Variants in ALCAM observed in about 807,000 individuals in gnomAD.
ALCAM encodes the protein activated leukocyte cell adhesion molecule.
Under a neutral mutation model 70.9 loss-of-function variants are expected in ALCAM, and 30 were observed. That is an observed-to-expected ratio of 0.42 (90% CI 0.32 to 0.57). The LOEUF (loss-of-function observed/expected upper bound fraction) is 0.57, where lower values mean the gene tolerates loss of function less well. Among genes scored for constraint, ALCAM ranks in the 20% least tolerant of loss-of-function variants. The probability of loss-of-function intolerance (pLI) is 0.11; values close to 1 mark genes in which losing one functional copy is unlikely to be tolerated. For missense variants in ALCAM, 591 were observed against 695.1 expected (o/e 0.85, Z 1.68); for synonymous variants, 249 against 242.5 (o/e 1.03, Z -0.25).
At chr3:105,399,040 C>T (rs1247344813) in intron 1 of ALCAM, among the ~76,000 whole-genome samples, 1 of 152,048 alleles carries the variant, frequency 6.6e-6, no homozygotes, top group Non-Finnish European at 1.5e-5. Flanking sequence ...AATGCAGCCC[C>T]TAATGTGAAT....
At chr3:105,564,445 C>T (rs1940701285) in intron 14 of ALCAM, among the ~76,000 whole-genome samples, 1 of 152,106 alleles carries the variant, frequency 6.6e-6, no homozygotes, top group African/African-American at 2.4e-5. Context: ...TTACTCCTTC[C>T]AGCACTCTTC....
intron 11 of ALCAM, among the ~76,000 whole-genome samples, chr3:105,549,375 C>T (rs985517933): frequency 6.6e-6 from 1 of 151,336 alleles, no homozygotes; most frequent in Non-Finnish European, 1.5e-5. Context: ...AGGCACTTAC[C>T]ATGTAGTTGA....
At chr3:105,438,954 A>G (rs1031015031) in intron 1 of ALCAM, among the ~76,000 whole-genome samples, 5 of 152,176 alleles carry the variant, frequency 3.3e-5, no homozygotes, top group Non-Finnish European at 7.3e-5. Flanking sequence ...AGGAAGAAGC[A>G]GAAATAATGT....
rs74932522 is a variant in ALCAM, at chr3:105,415,468, C to T, written c.73+47987C>T. 5.9e-4 allele frequency among the ~76,000 whole-genome samples: 90 copies of T among 152,184 alleles called. 4 individuals are homozygous for T. The East Asian group carries it at 0.017, about 30-fold the overall frequency. The stretch of plus-strand genomic sequence containing the variant: ...TTGCATAGGAAATAAACATTTCTGT[C>T]CACTGACAACAGCTTTCTTTTAAAG... On this transcript the variant is annotated intron_variant, in intron 1 of 15. Transcript: ENST00000306107.
chr3:105,540,452 C>T (rs1185124230), intron 7 of ALCAM, among the ~76,000 whole-genome samples: 1 of 151,954 alleles, frequency 6.6e-6, no homozygotes, highest in African/African-American at 2.4e-5. Flanking sequence ...TCTAAATCTG[C>T]CCACAACATT....
chr3:105,569,173 G>T (rs1441723919), intron 14 of ALCAM, among the ~76,000 whole-genome samples: 1 of 151,772 alleles, frequency 6.6e-6, no homozygotes, highest in African/African-American at 2.4e-5. Context: ...TACTTTAGAT[G>T]AAAGGAGTGG....
chr3:105,463,862 G>A (rs1937643284), intron 1 of ALCAM, among the ~76,000 whole-genome samples: 1 of 151,370 alleles, frequency 6.6e-6, no homozygotes, highest in Non-Finnish European at 1.5e-5. Flanking sequence ...TAGAAGGAAT[G>A]CAATTTCCTA....
At chr3:105,572,057 A>G (rs1940870123) in intron 15 of ALCAM, 93 bp downstream of exon 15, 2 of 690,948 alleles carry the variant, frequency 2.9e-6, no homozygotes, top group South Asian at 5.3e-5. Flanking sequence ...ATGCTCCATA[A>G]TTACAGCTTT....
chr3:105,372,679 C>T (rs973947524), intron 1 of ALCAM, among the ~76,000 whole-genome samples: 67 of 152,086 alleles, frequency 4.4e-4, no homozygotes, highest in Non-Finnish European at 4.4e-5. Flanking sequence ...CATAGTACTT[C>T]AACACAATGA....
At chr3:105,538,577 A>G (rs1377443411) in intron 6 of ALCAM, among the ~76,000 whole-genome samples, 3 of 152,144 alleles carry the variant, frequency 2.0e-5, no homozygotes, top group Non-Finnish European at 1.5e-5. Context: ...GAAGGAAGTC[A>G]GAGATTGCCA....
intron 1 of ALCAM, among the ~76,000 whole-genome samples, chr3:105,497,179 TA>T (rs1938769349): frequency 6.6e-6 from 1 of 152,164 alleles, no homozygotes; most frequent in African/African-American, 2.4e-5. Flanking sequence ...TGAATCATTT[TA>T]CTAGGAAAAT....
In ALCAM at chr3:105,547,478, A is replaced by G; in HGVS notation, c.1329A>G (p.Pro443=). The change falls in exon 11 of 16, where the codon CCA becomes CCG. Residue 443 remains proline (P), a synonymous_variant. Coordinates refer to ENST00000306107, the MANE Select transcript of ALCAM (RefSeq NM_001627.4). The part of the protein sequence containing the change: ...IICHVEGFPK[P]AIQWTITGSG... Reference sequence around the variant, plus strand: ...GCCATGTGGAAGGTTTTCCAAAGCCAGCCATTCAATGGACAATTACTGGCA... The same window carrying G: ...GCCATGTGGAAGGTTTTCCAAAGCCGGCCATTCAATGGACAATTACTGGCA... The G allele has an allele frequency of 1.2e-6, 2 of 1,610,722 alleles. No homozygotes were observed. The highest frequency in any genetic ancestry group is 1.7e-6 in the Non-Finnish European group (2 of 1,177,724).
At chr3:105,504,575 G>GGCCT (rs200819923) in intron 1 of ALCAM, among the ~76,000 whole-genome samples, 33,303 of 151,788 alleles carry the variant, frequency 0.22, 3,815 homozygotes, top group East Asian at 0.36. Flanking sequence ...GCAAGCCCAC[G>GGCCT]GCCTGCCGGC....
At position 105,460,110 on chromosome 3, in the gene ALCAM, A is replaced by T. The variant is rs898080400; in HGVS notation, c.74-59957A>T. Among the ~76,000 whole-genome samples, 3 of 152,036 alleles carry T rather than the reference A, an allele frequency of 2.0e-5. No individual in the cohort carries two copies. In the South Asian group the frequency reaches 6.2e-4, roughly 32 times the overall value. Reference sequence around the variant, plus strand: ...AGGCAGTTTTGACAGTATGTGGTGGATAGTCTCTCTGGTATGACTAATTGA... The same window carrying T: ...AGGCAGTTTTGACAGTATGTGGTGGTTAGTCTCTCTGGTATGACTAATTGA... On this transcript the variant is annotated intron_variant, in intron 1 of 15. Coordinates refer to ENST00000306107, the MANE Select transcript of ALCAM (RefSeq NM_001627.4).
chr3:105,506,053 C>G (rs888452897), intron 1 of ALCAM, among the ~76,000 whole-genome samples: 1 of 152,034 alleles, frequency 6.6e-6, no homozygotes, highest in African/African-American at 2.4e-5. Context: ...TGGAAATTTT[C>G]TTTGTTGAAC....
intron 3 of ALCAM, 29 bp downstream of exon 3, chr3:105,524,537 A>G (rs749797146): frequency 1.2e-6 from 2 of 1,613,062 alleles, no homozygotes; most frequent in Admixed American, 3.3e-5. Context: ...TGTCACTGCT[A>G]AGTGGGATTG....
chr3:105,462,446 A>AT (rs1186007632), intron 1 of ALCAM, among the ~76,000 whole-genome samples: 2 of 151,456 alleles, frequency 1.3e-5, no homozygotes, highest in Non-Finnish European at 3.0e-5. Flanking sequence ...TGTATAAATA[A>AT]TTTTTTAAAA....
At chr3:105,420,969 A>G (rs1245997506) in intron 1 of ALCAM, among the ~76,000 whole-genome samples, 1 of 151,536 alleles carries the variant, frequency 6.6e-6, no homozygotes, top group Non-Finnish European at 1.5e-5. Flanking sequence ...AAGGAAATCA[A>G]TGATGGATTG....
chr3:105,406,876 G>T (rs567624858), intron 1 of ALCAM, among the ~76,000 whole-genome samples: 2 of 152,070 alleles, frequency 1.3e-5, no homozygotes, highest in Non-Finnish European at 2.9e-5. Flanking sequence ...GGGAGATATT[G>T]CAACTGACAC....
Sources: gnomAD v4.1 joint callset for allele counts (sites outside exome capture counted in the v4.1 genomes callset) on GRCh38, gnomAD v4.1.1 for gene constraint, MANE v1.5 for transcripts, NCBI Gene and HGNC (gene_info 2026-07-23, HGNC 2026-07-21) for gene names.